The following DNM3 variants were observed in gnomAD, a reference collection of about 807,000 sequenced individuals.
DNM3 encodes the protein dynamin 3.
In DNM3, 47 loss-of-function variants were observed where a neutral mutation model predicts 101.6. That is an observed-to-expected ratio of 0.46 (90% CI 0.37 to 0.59). The LOEUF (loss-of-function observed/expected upper bound fraction) is 0.59. Ranked by LOEUF, DNM3 falls within the 20% of genes least tolerant of loss-of-function variation. DNM3 has a pLI of 0.00. For missense variants in DNM3, 849 were observed against 1,085.7 expected, an observed-to-expected ratio of 0.78 and a Z score of 3.06; for synonymous variants, 385 against 387.9, an observed-to-expected ratio of 0.99 and a Z score of 0.09.
intron 2 of DNM3, among the ~76,000 whole-genome samples, chr1:171,941,738 T>A (rs1275710299): frequency 1.3e-5 from 2 of 152,206 alleles, no homozygotes; most frequent in Non-Finnish European, 2.9e-5. Flanking sequence ...CACATATTAA[T>A]TAGGAAAGAA....
chr1:172,032,422 A>T lies in DNM3; in HGVS notation c.610A>T (p.Ile204Phe), dbSNP rs2048672603. The T allele has an allele frequency of 1.9e-5, 31 of 1,612,116 alleles. 1 individual carries two copies. Among genetic ancestry groups the T allele is most frequent in the Non-Finnish European group, 2.6e-5 (31 of 1,178,810 alleles). ...DPQGLRTIGV[I>F]TKLDLMDEGT... is the part of the protein sequence containing the mutation. ...TGCAGGTCTGAGAACCATTGGAGTT[A>T]TCACCAAACTGGACCTTATGGATGA... The change falls in exon 5 of 21, where the codon ATC becomes TTC. Residue 204 changes from isoleucine (I) to phenylalanine (F), a missense_variant. Transcript: ENST00000627582.
chr1:171,900,217 C>A (rs377000012), intron 1 of DNM3, among the ~76,000 whole-genome samples: 5 of 152,006 alleles, frequency 3.3e-5, no homozygotes, highest in Admixed American at 2.6e-4. Flanking sequence ...AGGACAATAG[C>A]GTATTCAAAT....
chr1:172,406,325 T>G (rs2070880332), intron 20 of DNM3, among the ~76,000 whole-genome samples: 1 of 151,924 alleles, frequency 6.6e-6, no homozygotes. Context: ...ATGAAACAAG[T>G]TAAGTGGGTG....
chr1:172,099,481 C>T (rs558801177), intron 13 of DNM3, among the ~76,000 whole-genome samples: 75 of 151,976 alleles, frequency 4.9e-4, no homozygotes, highest in Non-Finnish European at 9.9e-4. Context: ...TGGCACACAT[C>T]ATTTCTATAT....
chr1:172,239,073 C>T (rs901276332), intron 14 of DNM3, among the ~76,000 whole-genome samples: 5 of 152,036 alleles, frequency 3.3e-5, no homozygotes, highest in Admixed American at 6.6e-5. Context: ...GTAGTCACAT[C>T]TTCCCTCTCT....
In DNM3 at chr1:171,841,833, G is replaced by A. The variant is rs775729513; in HGVS notation, c.161+16G>A. ...TCGTGGGCAGGTAAGCGCGCAGGGC[G>A]CGGAGTAAGGATGCGGCAGTGGGGC... is the stretch of plus-strand genomic sequence containing the variant. On this transcript the variant is annotated intron_variant, in intron 1 of 20. Coordinates refer to ENST00000627582, the MANE Select transcript of DNM3 (RefSeq NM_015569.5). 25 of 1,600,972 alleles carry A rather than the reference G, an allele frequency of 1.6e-5. No homozygotes were observed. Among genetic ancestry groups the A allele is most frequent in the Non-Finnish European group, 2.1e-5 (25 of 1,176,658 alleles).
At chr1:171,995,070 G>A (rs1222926302) in intron 4 of DNM3, among the ~76,000 whole-genome samples, 1 of 149,598 alleles carries the variant, frequency 6.7e-6, no homozygotes, top group African/African-American at 2.5e-5. Context: ...AACACCATAC[G>A]GCTTGTTGTT....
intron 4 of DNM3, among the ~76,000 whole-genome samples, chr1:172,011,436 TGAACTC>T: frequency 6.6e-6 from 1 of 152,138 alleles, no homozygotes; most frequent in East Asian, 1.9e-4. Context: ...TTGGTCTCCA[TGAACTC>T]CATCGATGTC....
intron 13 of DNM3, chr1:172,093,806 C>T (rs2054073391): frequency 2.2e-6 from 3 of 1,384,396 alleles, no homozygotes; most frequent in Non-Finnish European, 2.0e-6. Context: ...AACTGATTAA[C>T]TCAACTAGCG....
chr1:172,380,173 G>GT (rs1189005768), intron 18 of DNM3, among the ~76,000 whole-genome samples: 3 of 151,958 alleles, frequency 2.0e-5, no homozygotes, highest in Non-Finnish European at 4.4e-5. Flanking sequence ...TCATGTGTCT[G>GT]TTTCCTCCAT....
At chr1:172,161,711 A>T (rs2058553049) in intron 14 of DNM3, among the ~76,000 whole-genome samples, 1 of 152,036 alleles carries the variant, frequency 6.6e-6, no homozygotes, top group South Asian at 2.1e-4. Flanking sequence ...GTTAATATCG[A>T]CTTAACTGCC....
At chr1:171,905,217 A>G (rs1246265027) in intron 1 of DNM3, among the ~76,000 whole-genome samples, 1 of 152,186 alleles carries the variant, frequency 6.6e-6, no homozygotes, top group Non-Finnish European at 1.5e-5. Flanking sequence ...CTTCTCTTTA[A>G]TACCCCTGTG....
At chr1:172,014,738 GT>G (rs1319685882) in intron 4 of DNM3, among the ~76,000 whole-genome samples, 1 of 151,936 alleles carries the variant, frequency 6.6e-6, no homozygotes. Context: ...CTTCTAGTCT[GT>G]GACTTGTTTT....
In DNM3 at chr1:171,925,318, C is replaced by T. The variant is rs999124739; in HGVS notation, c.235+3497C>T. On this transcript the variant is annotated intron_variant, in intron 2 of 20. Transcript: ENST00000627582. ...TCTCAGCTCACTGCAAGCTCCGCCT[C>T]TTGGGTTCATGCCATTCTCCTGCCT... Among the ~76,000 whole-genome samples, 23 of 151,986 alleles carry T rather than the reference C, an allele frequency of 1.5e-4. 1 individual carries two copies. The highest frequency in any genetic ancestry group is 2.6e-4 in the Admixed American group (4 of 15,258).
chr1:171,975,828 A>G (rs2044326898), intron 2 of DNM3, among the ~76,000 whole-genome samples: 1 of 152,212 alleles, frequency 6.6e-6, no homozygotes, highest in Non-Finnish European at 1.5e-5. Flanking sequence ...CTCGAGACTT[A>G]TTATACAGGT....
At chr1:172,115,289 A>G (rs1261335397) in intron 13 of DNM3, among the ~76,000 whole-genome samples, 1 of 152,008 alleles carries the variant, frequency 6.6e-6, no homozygotes, top group Non-Finnish European at 1.5e-5. Flanking sequence ...AAATCCTGTC[A>G]TCTGGAATCT....
At chr1:172,203,313 T>C (rs996009407) in intron 14 of DNM3, among the ~76,000 whole-genome samples, 2 of 152,282 alleles carry the variant, frequency 1.3e-5, no homozygotes, top group East Asian at 1.9e-4. Flanking sequence ...CCGCTGAGAA[T>C]TGGTGTTGCA....
intron 15 of DNM3, among the ~76,000 whole-genome samples, chr1:172,265,943 A>G (rs2148728352): frequency 1.3e-5 from 2 of 152,180 alleles, no homozygotes; most frequent in East Asian, 3.9e-4. Context: ...TCAATTCAGG[A>G]TATGGTTTAT....
At chr1:172,392,863 CA>C (rs1258587759) in intron 20 of DNM3, among the ~76,000 whole-genome samples, 1 of 152,166 alleles carries the variant, frequency 6.6e-6, no homozygotes, top group East Asian at 1.9e-4. Context: ...AAAACTGAAT[CA>C]TTCGAAAGGA....
Sources: gnomAD v4.1 joint callset for allele counts (sites outside exome capture counted in the v4.1 genomes callset) on GRCh38, gnomAD v4.1.1 for gene constraint, MANE v1.5 for transcripts, NCBI Gene and HGNC (gene_info 2026-07-23, HGNC 2026-07-21) for gene names.